Variants in SORBS2 observed in about 807,000 individuals in gnomAD.
The protein encoded by SORBS2 is sorbin and SH3 domain containing 2, also known as sorbin and SH3 domain-containing protein 2.
In SORBS2, 46 loss-of-function variants were observed where a neutral mutation model predicts 97.7. The observed-to-expected ratio is 0.47, with a 90% CI of 0.37 to 0.60. SORBS2 has a LOEUF of 0.60. Ranked by LOEUF, SORBS2 falls within the 20% of genes least tolerant of loss-of-function variation. The pLI, the probability that SORBS2 is intolerant of heterozygous loss-of-function variation, is 0.00. For synonymous variants in SORBS2, 476 were observed against 473.4 expected (o/e 1.01, Z -0.07); for missense variants, 1,316 against 1,282.3 (o/e 1.03, Z -0.40).
chr4:185,652,685 T>G (rs2153462057), exon 2 of SORBS2: 1 of 1,614,170 alleles, frequency 6.2e-7, no homozygotes, highest in South Asian at 1.1e-5. Context: ...CATGTGAATT[T>G]GCTTAAACAT....
chr4:185,760,779 C>A (rs1014669734), intron 2 of SORBS2, among the ~76,000 whole-genome samples: 3 of 152,202 alleles, frequency 2.0e-5, no homozygotes, highest in Non-Finnish European at 4.4e-5. Flanking sequence ...ATTTCCTTCT[C>A]ATTAGTTGCA....
chr4:185,810,366 T>C (rs1034893157), intron 1 of SORBS2, among the ~76,000 whole-genome samples: 2 of 152,258 alleles, frequency 1.3e-5, no homozygotes, highest in Non-Finnish European at 2.9e-5. Context: ...GTGAAAATTA[T>C]ACTTAAAATT....
chr4:185,620,290 T>C (rs2096699097), intron 7 of SORBS2, 139 bp from the exon 20 acceptor site: 3 of 658,578 alleles, frequency 4.6e-6, no homozygotes, highest in Non-Finnish European at 8.3e-6. Flanking sequence ...GGCATAAAAC[T>C]CATAGTTCAT....
At chr4:185,668,190 A>T (rs185822875) in intron 4 of SORBS2, among the ~76,000 whole-genome samples, 1 of 152,354 alleles carries the variant, frequency 6.6e-6, no homozygotes, top group Non-Finnish European at 1.5e-5. Context: ...GACTTGAAAC[A>T]TGTCAAAAGC....
At chr4:185,627,861 G>T (rs1047673205) in intron 5 of SORBS2, among the ~76,000 whole-genome samples, 1 of 143,650 alleles carries the variant, frequency 7.0e-6, no homozygotes, top group Non-Finnish European at 1.5e-5. Flanking sequence ...GCTCATCCTG[G>T]CACCCACTGA....
intron 1 of SORBS2, among the ~76,000 whole-genome samples, chr4:185,868,217 C>T (rs1306932927): frequency 7.6e-6 from 1 of 131,588 alleles, no homozygotes; most frequent in Non-Finnish European, 1.5e-5. Flanking sequence ...AGTGCAGTGG[C>T]ACGATCTTGG....
intron 1 of SORBS2, among the ~76,000 whole-genome samples, chr4:185,894,700 G>T (rs897631511): frequency 6.6e-6 from 1 of 152,240 alleles, no homozygotes; most frequent in Admixed American, 6.5e-5. Context: ...GCTCCATTGC[G>T]CTGACACAGC....
chr4:185,730,500 C>T (rs973700063), intron 2 of SORBS2, among the ~76,000 whole-genome samples: 3 of 152,184 alleles, frequency 2.0e-5, no homozygotes, highest in Admixed American at 1.3e-4. Context: ...TATTGTCCAT[C>T]TGGCCGCACC....
intron 2 of SORBS2, among the ~76,000 whole-genome samples, chr4:185,722,118 C>T (rs2098519397): frequency 6.6e-6 from 1 of 152,078 alleles, no homozygotes; most frequent in Admixed American, 6.5e-5. Context: ...GAACTACCCA[C>T]AAAAATAAAC....
chr4:185,667,865 A>G (rs2097643783), intron 4 of SORBS2, among the ~76,000 whole-genome samples: 1 of 151,550 alleles, frequency 6.6e-6, no homozygotes, highest in Non-Finnish European at 1.5e-5. Context: ...TGGAGGTGAA[A>G]CTTTAATATT....
chr4:185,841,872 C>T (rs2099211756), intron 1 of SORBS2, among the ~76,000 whole-genome samples: 1 of 152,140 alleles, frequency 6.6e-6, no homozygotes, highest in Admixed American at 6.5e-5. Context: ...TTTTACTGAC[C>T]AAACACTGTT....
intron 12 of SORBS2, among the ~76,000 whole-genome samples, chr4:185,605,742 G>C (rs1411667725): frequency 6.6e-6 from 1 of 152,056 alleles, no homozygotes; most frequent in African/African-American, 2.4e-5. Context: ...CCACCACCAC[G>C]CCTGGCTAGT....
chr4:185,739,457 T>A (rs2098708901), intron 2 of SORBS2, among the ~76,000 whole-genome samples: 1 of 152,240 alleles, frequency 6.6e-6, no homozygotes, highest in African/African-American at 2.4e-5. Context: ...TTGTTATTGA[T>A]ATTTAACTAA....
At chr4:185,590,130 T>C (rs1295991413) in intron 13 of SORBS2, among the ~76,000 whole-genome samples, 1 of 152,242 alleles carries the variant, frequency 6.6e-6, no homozygotes, top group Non-Finnish European at 1.5e-5. Flanking sequence ...CTAACGTCTA[T>C]CATTTAGACA....
At chr4:185,665,940 G>A (rs1445763705) in intron 4 of SORBS2, 4 of 1,229,876 alleles carry the variant, frequency 3.3e-6, no homozygotes, top group Non-Finnish European at 4.2e-6. Flanking sequence ...TGTCGTGGCT[G>A]TGGATGAGGC....
intron 6 of SORBS2, among the ~76,000 whole-genome samples, chr4:185,626,478 T>C (rs540111806): frequency 2.0e-5 from 3 of 152,268 alleles, no homozygotes; most frequent in Non-Finnish European, 4.4e-5. Flanking sequence ...ATTTGACTAA[T>C]TTGCTAGTTG....
chr4:185,798,083 G>T (rs2099114099), intron 1 of SORBS2, among the ~76,000 whole-genome samples: 1 of 152,100 alleles, frequency 6.6e-6, no homozygotes, highest in Non-Finnish European at 1.5e-5. Context: ...AGAATCAGAG[G>T]TGCACGGTGT....
rs537045000 is a variant in SORBS2, at chr4:185,810,511, T to G, written c.-337-35145A>C. On this transcript the variant is annotated intron_variant, in intron 1 of 20. Coordinates refer to the SORBS2 transcript ENST00000284776. ...CCATCTTTTGTAGATAGGGGTTTTG[T>G]TCAAAGTTTTTGACCAAACATTTTT... Among the ~76,000 whole-genome samples, 327 of 152,376 alleles carry G rather than the reference T, an allele frequency of 2.1e-3. 1 individual carries two copies. The highest frequency in any genetic ancestry group is 3.5e-3 in the Non-Finnish European group (241 of 68,038).
intron 11 of SORBS2, among the ~76,000 whole-genome samples, chr4:185,613,165 C>T (rs1281758056): frequency 6.6e-6 from 1 of 152,174 alleles, no homozygotes; most frequent in Non-Finnish European, 1.5e-5. Context: ...TACAGAAGCT[C>T]GGGCAGCGGC....
Sources: allele counts gnomAD v4.1 joint callset (sites outside exome capture counted in the v4.1 genomes callset), GRCh38; gene constraint gnomAD v4.1.1; transcripts MANE v1.5; gene names NCBI Gene and HGNC (gene_info 2026-07-23, HGNC 2026-07-21).